The following LTAP1 variants were observed in gnomAD, a reference collection of about 807,000 sequenced individuals.
The protein encoded by LTAP1 is lipid transport auxiliary protein 1, also known as HCV NS5A-transactivated protein 4.
At chr1:154,214,329 G>C in the LTAP1 span, 1 of 693,306 alleles carries the variant, frequency 1.4e-6, no homozygotes, top group Non-Finnish European at 2.6e-6. Context: ...AATGGGCTCT[G>C]CATCTAACAT....
chr1:154,210,251 C>CTGGT, the LTAP1 span, among the ~76,000 whole-genome samples: 1 of 151,996 alleles, frequency 6.6e-6, no homozygotes, highest in African/African-American at 2.4e-5. Context: ...GTTGGCCAGG[C>CTGGT]TGGTCTCCAA....
the LTAP1 span, chr1:154,213,929 A>G: frequency 6.8e-6 from 11 of 1,612,930 alleles, no homozygotes; most frequent in South Asian, 1.1e-5. Context: ...TTCATCCTAT[A>G]CAGATAGTTG....
At chr1:154,212,932 C>T in the LTAP1 span, among the ~76,000 whole-genome samples, 1 of 152,238 alleles carries the variant, frequency 6.6e-6, no homozygotes, top group South Asian at 2.1e-4. Context: ...CTCGCCCTCC[C>T]AAAGCGTTGG....
At chr1:154,211,313 G>A in the LTAP1 span, among the ~76,000 whole-genome samples, 8 of 71,042 alleles carry the variant, frequency 1.1e-4, no homozygotes, top group Admixed American at 1.6e-4. Flanking sequence ...AAAAATAGAT[G>A]TTATTTAATT....
chr1:154,219,146 G>A, the LTAP1 span, among the ~76,000 whole-genome samples: 3 of 152,322 alleles, frequency 2.0e-5, no homozygotes, highest in East Asian at 1.9e-4. Flanking sequence ...CAGTGGGATA[G>A]CAATAATTCT....
chr1:154,214,622 T>C, the LTAP1 span: 1 of 1,223,948 alleles, frequency 8.2e-7, no homozygotes. Context: ...TGCACTCTGC[T>C]TTCCACCAAT....
At chr1:154,216,324 CTTGT>C in the LTAP1 span, among the ~76,000 whole-genome samples, 36 of 130,476 alleles carry the variant, frequency 2.8e-4, no homozygotes, top group Admixed American at 2.8e-3. Context: ...CCCTCTGCAA[CTTGT>C]TTAAAAAAAA....
chr1:154,214,716 G>T, the LTAP1 span: 6 of 600,600 alleles, frequency 1.0e-5, no homozygotes, highest in Non-Finnish European at 1.7e-5. Flanking sequence ...TACCAGATAA[G>T]AGGTAAGAAT....
the LTAP1 span, among the ~76,000 whole-genome samples, chr1:154,209,793 C>A: frequency 1.3e-5 from 2 of 151,406 alleles, no homozygotes; most frequent in Non-Finnish European, 2.9e-5. Context: ...CTGGTTTTCA[C>A]GTTAGCCAGG....
chr1:154,217,613 A>T, the LTAP1 span, among the ~76,000 whole-genome samples: 28 of 151,742 alleles, frequency 1.8e-4, no homozygotes, highest in Non-Finnish European at 3.1e-4. Context: ...GCTTACTACA[A>T]CCTCTGCCAC....
the LTAP1 span, among the ~76,000 whole-genome samples, chr1:154,213,494 G>A: frequency 2.0e-5 from 3 of 152,248 alleles, no homozygotes; most frequent in Non-Finnish European, 4.4e-5. Flanking sequence ...TCCATCCTAG[G>A]TTTAAGATAT....
the LTAP1 span, among the ~76,000 whole-genome samples, chr1:154,209,144 T>C: frequency 6.6e-6 from 1 of 152,134 alleles, no homozygotes. Context: ...TAGTGTTAAG[T>C]ATATTCACAG....
the LTAP1 span, among the ~76,000 whole-genome samples, chr1:154,213,689 A>T: frequency 5.6e-4 from 85 of 152,314 alleles, no homozygotes; most frequent in African/African-American, 1.7e-3. Context: ...TAAAAAACAA[A>T]ACACCCAGAC....
At chr1:154,216,076 A>T in the LTAP1 span, among the ~76,000 whole-genome samples, 1 of 151,974 alleles carries the variant, frequency 6.6e-6, no homozygotes, top group African/African-American at 2.4e-5. Flanking sequence ...TGACCTCATG[A>T]TCCACCCGCC....
chr1:154,216,581 T>G, the LTAP1 span, among the ~76,000 whole-genome samples: 2 of 151,900 alleles, frequency 1.3e-5, no homozygotes, highest in African/African-American at 4.8e-5. Context: ...TCTTGGCTCA[T>G]TGCAACCTCT....
At chr1:154,214,375 C>T in the LTAP1 span, 1 of 870,632 alleles carries the variant, frequency 1.1e-6, no homozygotes, top group Admixed American at 2.0e-5. Context: ...GCTTTGCCAG[C>T]AGCTTTTGAC....
chr1:154,218,470 G>A, the LTAP1 span, among the ~76,000 whole-genome samples: 1 of 152,226 alleles, frequency 6.6e-6, no homozygotes, highest in African/African-American at 2.4e-5. Flanking sequence ...AGGCAGGACT[G>A]TTAAGGTTTC....
the LTAP1 span, chr1:154,212,536 A>C: frequency 6.2e-7 from 1 of 1,614,200 alleles, no homozygotes; most frequent in Non-Finnish European, 8.5e-7. Flanking sequence ...TGAAAGGCGT[A>C]CTAGTGTTTC....
the LTAP1 span, among the ~76,000 whole-genome samples, chr1:154,216,420 C>A: frequency 2.0e-5 from 3 of 151,928 alleles, no homozygotes; most frequent in African/African-American, 7.3e-5. Flanking sequence ...CTATAACCTC[C>A]ACCTCCTGAG....
Sources: allele counts gnomAD v4.1 joint callset (sites outside exome capture counted in the v4.1 genomes callset), GRCh38; gene constraint gnomAD v4.1.1; transcripts MANE v1.5; gene names NCBI Gene and HGNC (gene_info 2026-07-23, HGNC 2026-07-21).